R3HDM1: variants seen among roughly 807,000 people sequenced by gnomAD.
The protein encoded by R3HDM1 is R3H domain-containing protein 1.
In R3HDM1, 46 loss-of-function variants were observed where a neutral mutation model predicts 141.1. The ratio of observed to expected loss-of-function variants is 0.33; its 90% CI spans 0.26 to 0.42. R3HDM1 has a LOEUF of 0.42. Ranked by LOEUF, R3HDM1 falls within the 10% of genes least tolerant of loss-of-function variation. R3HDM1 has a pLI of 1.00. For missense variants in R3HDM1, 1,184 were observed against 1,368.3 expected, an observed-to-expected ratio of 0.87 and a Z score of 2.12; for synonymous variants, 435 against 472.9, an observed-to-expected ratio of 0.92 and a Z score of 1.04.
At chr2:135,535,668 A>G (rs900462649) in intron 1 of R3HDM1, among the ~76,000 whole-genome samples, 5 of 152,160 alleles carry the variant, frequency 3.3e-5, no homozygotes, top group Admixed American at 6.5e-5. Context: ...TAATACGGAC[A>G]TGTGCAAAGA....
intron 1 of R3HDM1, among the ~76,000 whole-genome samples, chr2:135,570,277 A>T (rs2104992169): frequency 6.6e-6 from 1 of 152,336 alleles, no homozygotes; most frequent in South Asian, 2.1e-4. Flanking sequence ...AAGTTCAGTT[A>T]TCTCAGTATT....
intron 24 of R3HDM1, among the ~76,000 whole-genome samples, chr2:135,718,100 T>G (rs530860497): frequency 6.6e-6 from 1 of 152,328 alleles, no homozygotes; most frequent in South Asian, 2.1e-4. Flanking sequence ...GAATATATTC[T>G]ATATGATTCT....
chr2:135,712,916 G>A (rs944215866), intron 23 of R3HDM1, among the ~76,000 whole-genome samples: 4 of 150,806 alleles, frequency 2.7e-5, no homozygotes, highest in East Asian at 2.0e-4. Context: ...GCAAGACTCC[G>A]TCTCAAAAAA....
intron 3 of R3HDM1, among the ~76,000 whole-genome samples, chr2:135,611,313 A>G (rs576682511): frequency 1.3e-5 from 2 of 151,546 alleles, no homozygotes; most frequent in African/African-American, 4.8e-5. Flanking sequence ...AGGTGGGAGG[A>G]TCATCTGAGC....
intron 1 of R3HDM1, among the ~76,000 whole-genome samples, chr2:135,585,978 TGTTA>T (rs1468906711): frequency 1.3e-5 from 2 of 152,240 alleles, no homozygotes; most frequent in African/African-American, 4.8e-5. Flanking sequence ...TAAGGCTTTT[TGTTA>T]GTAATACTAA....
At chr2:135,659,708 G>A (rs991687601) in intron 18 of R3HDM1, among the ~76,000 whole-genome samples, 10 of 152,160 alleles carry the variant, frequency 6.6e-5, no homozygotes, top group African/African-American at 2.4e-4. Flanking sequence ...AAAGTGCTGG[G>A]AGTACAGGCG....
intron 18 of R3HDM1, among the ~76,000 whole-genome samples, chr2:135,654,637 C>T (rs1048831631): frequency 2.0e-5 from 3 of 151,802 alleles, no homozygotes; most frequent in Admixed American, 6.6e-5. Context: ...TTAGTAGAGA[C>T]GGGGTTTCAC....
chr2:135,532,442 A>C (rs1574300090), intron 1 of R3HDM1, among the ~76,000 whole-genome samples: 1 of 152,272 alleles, frequency 6.6e-6, no homozygotes, highest in East Asian at 1.9e-4. Flanking sequence ...AACTTAAATT[A>C]TTGGGACTAT....
rs1044926403 is a variant in R3HDM1, at chr2:135,531,485, T to G, written c.-398T>G. On this transcript the variant is annotated 5_prime_UTR_variant, in exon 1 of 27. Coordinates refer to ENST00000683871, the MANE Select transcript of R3HDM1 (RefSeq NM_001378107.1). The stretch of plus-strand genomic sequence containing the variant: ...TAGTGCGTGGTGGGAAGGGGCGGGA[T>G]TCTGCCAGCCGCGGCTGCCGCTGGA... The G allele has an allele frequency of 1.0e-6, 1 of 985,690 alleles. No homozygotes were observed. The highest frequency in any genetic ancestry group is 1.2e-6 in the Non-Finnish European group (1 of 830,030). The allele number at this position is 985,690 out of a possible 1,614,324, so 61.1% of individuals were successfully genotyped here.
intron 21 of R3HDM1, among the ~76,000 whole-genome samples, chr2:135,692,586 G>A (rs1258107063): frequency 6.6e-6 from 1 of 151,642 alleles, no homozygotes; most frequent in Non-Finnish European, 1.5e-5. Context: ...AGCAAGACTC[G>A]GTCTCAAAAA....
chr2:135,666,215 A>G (rs1194394748), intron 19 of R3HDM1, among the ~76,000 whole-genome samples: 3 of 152,292 alleles, frequency 2.0e-5, no homozygotes, highest in East Asian at 1.9e-4. Context: ...AAGAGTAACT[A>G]GGGTGTAAAA....
At chr2:135,558,033 T>C (rs1261205136) in intron 1 of R3HDM1, among the ~76,000 whole-genome samples, 1 of 152,170 alleles carries the variant, frequency 6.6e-6, no homozygotes, top group Admixed American at 6.5e-5. Context: ...TAATGATAAA[T>C]GATAATGGGG....
rs372310195 is a variant in R3HDM1, at chr2:135,628,888, A to G, written c.498-2830A>G. Among the ~76,000 whole-genome samples, 53 of 152,206 alleles carry G rather than the reference A, an allele frequency of 3.5e-4. 1 individual carries two copies. The East Asian group carries it at 8.9e-3, about 26-fold the overall frequency. ...TGACCTGCCCACCTCAACCTCCCAA[A>G]GTACTGGGATTACAGGCGTGAGCCA... On this transcript the variant is annotated intron_variant, in intron 7 of 26. Transcript: ENST00000683871.
At chr2:135,647,156 T>G (rs2064550601) in intron 16 of R3HDM1, among the ~76,000 whole-genome samples, 2 of 152,210 alleles carry the variant, frequency 1.3e-5, no homozygotes, top group Admixed American at 1.3e-4. Flanking sequence ...AGAGATTGCC[T>G]AAAACTATTT....
At chr2:135,533,101 T>G (rs1463892753) in intron 1 of R3HDM1, among the ~76,000 whole-genome samples, 1 of 152,130 alleles carries the variant, frequency 6.6e-6, no homozygotes. Context: ...AGTTACAGAA[T>G]TGACATAGAT....
chr2:135,584,447 C>A, intron 1 of R3HDM1: 3 of 884,488 alleles, frequency 3.4e-6, no homozygotes, highest in South Asian at 5.2e-5. Context: ...GAAACCTAAA[C>A]CTGTTTCATA....
intron 21 of R3HDM1, among the ~76,000 whole-genome samples, chr2:135,702,649 CAAA>C (rs753918013): frequency 1.3e-4 from 9 of 71,436 alleles, no homozygotes; most frequent in Non-Finnish European, 1.8e-4. Context: ...GACTCCGTCT[CAAA>C]AAAAAAAAAA....
intron 1 of R3HDM1, among the ~76,000 whole-genome samples, chr2:135,567,418 A>T (rs1376518882): frequency 1.3e-5 from 2 of 152,190 alleles, no homozygotes; most frequent in Non-Finnish European, 2.9e-5. Flanking sequence ...AATAAGCTTT[A>T]CTTTTCACTC....
chr2:135,622,106 G>A (rs2061565109), intron 6 of R3HDM1: 1 of 981,544 alleles, frequency 1.0e-6, no homozygotes, highest in South Asian at 4.7e-5. Context: ...ATTATAAATA[G>A]TATAAAGATA....
Sources: gnomAD v4.1 joint callset for allele counts (sites outside exome capture counted in the v4.1 genomes callset) on GRCh38, gnomAD v4.1.1 for gene constraint, MANE v1.5 for transcripts, NCBI Gene and HGNC (gene_info 2026-07-23, HGNC 2026-07-21) for gene names.